The following PCDHGA9 variants were observed in gnomAD, a reference collection of about 807,000 sequenced individuals.
PCDHGA9 encodes the protein protocadherin gamma-A9.
Under a neutral mutation model 62.5 loss-of-function variants are expected in PCDHGA9, and 37 were observed. That is an observed-to-expected ratio of 0.59 (90% CI 0.46 to 0.78). The LOEUF is 0.78. PCDHGA9 is among the 30% of genes least tolerant of loss of function. PCDHGA9 has a pLI of 0.00. For missense variants in PCDHGA9, 1,138 were observed against 1,166.2 expected, an observed-to-expected ratio of 0.98 and a Z score of 0.35; for synonymous variants, 459 against 484.6, an observed-to-expected ratio of 0.95 and a Z score of 0.69.
At position 141,491,744 on chromosome 5, in the gene PCDHGA9, C is replaced by T; in HGVS notation, c.2425-3063C>T. 6.3e-7 allele frequency: 1 copy of T among 1,592,720 alleles called. No individual in the cohort carries two copies. Among genetic ancestry groups the T allele is most frequent in the African/African-American group, 1.3e-5 (1 of 74,122 alleles). Reference sequence around the variant, plus strand: ...CCCCGGGCGACCCCTGGGGGCGGCACTGGAGAAGCCGCCCGTCCTCATAAG... The same window carrying T: ...CCCCGGGCGACCCCTGGGGGCGGCATTGGAGAAGCCGCCCGTCCTCATAAG... On this transcript the variant is annotated intron_variant, in intron 1 of 3. Transcript: ENST00000573521. The surrounding 1 kb of genome is among the most constrained non-coding windows in gnomAD (Gnocchi z 6.9).
At chr5:141,460,134 T>TCAAAGA in intron 1 of PCDHGA9, among the ~76,000 whole-genome samples, 1 of 152,066 alleles carries the variant, frequency 6.6e-6, no homozygotes, top group South Asian at 2.1e-4. Flanking sequence ...AATATATATA[T>TCAAAGA]TCTTGATGTG....
intron 1 of PCDHGA9, chr5:141,423,721 T>C (rs2096769391): frequency 8.3e-7 from 1 of 1,208,140 alleles, no homozygotes; most frequent in East Asian, 3.8e-5. Flanking sequence ...TTTAAGGAGA[T>C]GTTTTTTGAG....
rs143779180 is a variant in PCDHGA9 at position 141,485,438 on chromosome 5, C to A, written c.2425-9369C>A. The A allele has an allele frequency of 9.9e-6, 16 of 1,614,170 alleles. No individual in the cohort carries two copies. The African/African-American group carries it at 1.3e-4, about 13-fold the overall frequency. Reference sequence around the variant, plus strand: ...CAGCGGAGCCCTGCTCATCAAGAACCCAATCGACCGAGAGGCACTGTGTGG... The same window carrying A: ...CAGCGGAGCCCTGCTCATCAAGAACACAATCGACCGAGAGGCACTGTGTGG... On this transcript the variant is annotated intron_variant, in intron 1 of 3. Coordinates refer to ENST00000573521, the MANE Select transcript of PCDHGA9 (RefSeq NM_018921.3). The surrounding 1 kb of genome is among the most constrained non-coding windows in gnomAD (Gnocchi z 5.7).
Position 141,489,075 on chromosome 5 carries a change from C to A in PCDHGA9, c.2425-5732C>A. The A allele has an allele frequency of 3.1e-6, 1 of 324,814 alleles. No individual in the cohort carries two copies. The highest frequency in any genetic ancestry group is 5.5e-6 in the Non-Finnish European group (1 of 180,380). The allele number at this position is 324,814 out of a possible 1,614,324, so 20.1% of individuals were successfully genotyped here. A position where few individuals can be genotyped will look rare whatever the true frequency, so the allele number is the denominator to read the frequency against. ...TCAGCTCCCCTCCCCCCTGCCCACCCCCGCCACTCGGTGACTAAGAACTGC... is the reference window on the plus strand; with the variant it reads ...TCAGCTCCCCTCCCCCCTGCCCACCACCGCCACTCGGTGACTAAGAACTGC... On this transcript the variant is annotated intron_variant, in intron 1 of 3. Coordinates refer to ENST00000573521, the MANE Select transcript of PCDHGA9 (RefSeq NM_018921.3). The surrounding 1 kb of genome is among the most constrained non-coding windows in gnomAD (Gnocchi z 4.5).
At chr5:141,430,846 C>CCA in intron 1 of PCDHGA9, 1 of 1,576,346 alleles carries the variant, frequency 6.3e-7, no homozygotes, top group Non-Finnish European at 8.6e-7. Context: ...CCGGATGCAC[C>CCA]CAGATACGCT....
chr5:141,409,164 C>G (rs115772303), intron 1 of PCDHGA9: 18 of 1,613,792 alleles, frequency 1.1e-5, no homozygotes, highest in Non-Finnish European at 1.4e-5. Flanking sequence ...GAAGTGGAAG[C>G]GAAGGACGGA....
intron 1 of PCDHGA9, chr5:141,441,728 G>T: frequency 2.8e-6 from 1 of 361,966 alleles, no homozygotes. Flanking sequence ...CCCGCGACCA[G>T]GACTAGCTCG....
rs946434728 is a variant in PCDHGA9, at chr5:141,428,357, C to A, written c.2424+22981C>A. On this transcript the variant is annotated intron_variant, in intron 1 of 3. Coordinates refer to ENST00000573521, the MANE Select transcript of PCDHGA9 (RefSeq NM_018921.3). ...CTCTTCTTCCTCGCAGTGATTTTGG[C>A]GGTCGCCTTGCACCTGCGATGCTCT... is the stretch of plus-strand genomic sequence containing the variant. The A allele has an allele frequency of 1.2e-5, 7 of 565,506 alleles. No individual in the cohort carries two copies. The East Asian group carries it at 2.0e-4, about 16-fold the overall frequency. The allele number at this position is 565,506 out of a possible 1,614,324, so 35.0% of individuals were successfully genotyped here.
intron 1 of PCDHGA9, among the ~76,000 whole-genome samples, chr5:141,438,745 T>C (rs1004731034): frequency 4.7e-5 from 7 of 147,392 alleles, no homozygotes; most frequent in Non-Finnish European, 1.0e-4. Flanking sequence ...CACTGCAACC[T>C]CTGCCTCCTG....
rs1023140435 is a variant in PCDHGA9, at chr5:141,415,749, T to G, written c.2424+10373T>G. The G allele has an allele frequency of 4.7e-4, 569 of 1,213,970 alleles. 1 individual carries two copies. Among genetic ancestry groups the G allele is most frequent in the Admixed American group, 3.5e-3 (90 of 25,886 alleles). The allele number at this position is 1,213,970 out of a possible 1,614,324, so 75.2% of individuals were successfully genotyped here. The stretch of plus-strand genomic sequence containing the variant: ...TTTGATGTTTATTAAGGTTTTTTTT[T>G]TTTTTTTTTTTTTTTTTTTTTTTAC... On this transcript the variant is annotated intron_variant, in intron 1 of 3. Transcript: ENST00000573521.
intron 1 of PCDHGA9, chr5:141,478,323 G>T (rs1234175290): frequency 1.2e-6 from 2 of 1,613,958 alleles, no homozygotes; most frequent in African/African-American, 2.7e-5. Context: ...TCACTGTACC[G>T]AACACCAGGG....
rs759142051 is a variant in PCDHGA9 at position 141,404,392 on chromosome 5, T to C, written c.1440T>C (p.Asp480=). Residue 480 remains aspartate, a synonymous_variant, in exon 1 of 4, where the codon GAT becomes GAC. Coordinates refer to ENST00000573521, the MANE Select transcript of PCDHGA9 (RefSeq NM_018921.3). ...TCTCCGTGATTGCCTATGACCCTGATAGCAATGAGAATTCTAGAGTTATTT... is the reference window on the plus strand; with the variant it reads ...TCTCCGTGATTGCCTATGACCCTGACAGCAATGAGAATTCTAGAGTTATTT... ...SIFSVIAYDP[D]SNENSRVIYS... is the part of the protein sequence containing the mutation. 3.1e-6 allele frequency: 5 copies of C among 1,613,820 alleles called. No homozygotes were observed. The highest frequency in any genetic ancestry group is 1.3e-5 in the African/African-American group (1 of 74,924).
chr5:141,411,174 A>T (rs574627520), intron 1 of PCDHGA9: 4 of 152,400 alleles, frequency 2.6e-5, no homozygotes, highest in African/African-American at 7.2e-5. Flanking sequence ...GAACAGAAGC[A>T]GTGGTCTTGG....
At chr5:141,472,980 C>CAAAAAAAA (rs60579131) in intron 1 of PCDHGA9, among the ~76,000 whole-genome samples, 7 of 86,098 alleles carry the variant, frequency 8.1e-5, no homozygotes, top group Admixed American at 1.2e-4. Context: ...GAGTGAAACT[C>CAAAAAAAA]AAAAAAAAAA....
rs936419038 is a variant in PCDHGA9 at position 141,493,313 on chromosome 5, G to T, written c.2425-1494G>T. On this transcript the variant is annotated intron_variant, in intron 1 of 3. Transcript: ENST00000573521. This position sits in a 1 kb window ranked among gnomAD's most constrained non-coding sequence, Gnocchi z 4.3. ...TCAAGTTCACAGAGCAAGTAAGAGA[G>T]ATTCTAACCCCTGTCTAACTCCAGA... Among the ~76,000 whole-genome samples, 4 of 152,214 alleles carry T rather than the reference G, an allele frequency of 2.6e-5. No individual in the cohort carries two copies. Among genetic ancestry groups the T allele is most frequent in the Non-Finnish European group, 4.4e-5 (3 of 68,040 alleles).
intron 1 of PCDHGA9, chr5:141,478,008 C>T: frequency 6.2e-7 from 1 of 1,614,124 alleles, no homozygotes; most frequent in Non-Finnish European, 8.5e-7. Flanking sequence ...ATCAGTACTG[C>T]CCGTCCAGTC....
At chr5:141,459,568 CAG>C (rs930633590) in intron 1 of PCDHGA9, among the ~76,000 whole-genome samples, 1 of 152,152 alleles carries the variant, frequency 6.6e-6, no homozygotes, top group Non-Finnish European at 1.5e-5. Context: ...TACCCCAAAA[CAG>C]AATTGTTTTG....
Position 141,409,297 on chromosome 5 carries a change from T to TGTGAATG in PCDHGA9, c.2424+3923_2424+3924insGAATGGT, listed in dbSNP as rs774936669. On this transcript the variant is annotated intron_variant, in intron 1 of 3. Transcript: ENST00000573521. ...TGGAGAATTCACCTCCAGGAATGGT[T>TGTGAATG]GTTGCCCTCTTCAAAACACGGGATC... The TGTGAATG allele has an allele frequency of 1.3e-5, 21 of 1,613,888 alleles. No homozygotes were observed. In the African/African-American group the frequency reaches 2.7e-4, roughly 21 times the overall value.
Position 141,489,084 on chromosome 5 carries a change from C to CCG in PCDHGA9, c.2425-5723_2425-5722insCG. On this transcript the variant is annotated intron_variant, in intron 1 of 3. Coordinates refer to ENST00000573521, the MANE Select transcript of PCDHGA9 (RefSeq NM_018921.3). The surrounding 1 kb of genome is among the most constrained non-coding windows in gnomAD (Gnocchi z 4.5). ...CTCCCCCCTGCCCACCCCCGCCACT[C>CCG]GGTGACTAAGAACTGCTGCAAGCAG... 9.1e-6 allele frequency: 3 copies of CCG among 329,130 alleles called. No individual in the cohort carries two copies. The highest frequency in any genetic ancestry group is 5.4e-6 in the Non-Finnish European group (1 of 186,464). The allele number at this position is 329,130 out of a possible 1,614,324, so 20.4% of individuals were successfully genotyped here. A position where few individuals can be genotyped will look rare whatever the true frequency, so the allele number is the denominator to read the frequency against.
Sources: allele counts gnomAD v4.1 joint callset (sites outside exome capture counted in the v4.1 genomes callset), GRCh38; gene constraint gnomAD v4.1.1; non-coding constraint Gnocchi (gnomAD v3.1); transcripts MANE v1.5; gene names NCBI Gene and HGNC (gene_info 2026-07-23, HGNC 2026-07-21).